MYO5B: variants seen among roughly 807,000 people sequenced by gnomAD.
The protein encoded by MYO5B is unconventional myosin-Vb.
MYO5B carries 143 observed loss-of-function variants against 229.3 expected under a neutral mutation model. That is an observed-to-expected ratio of 0.62 (90% CI 0.54 to 0.72). MYO5B has a LOEUF of 0.72. Among genes scored for constraint, MYO5B ranks in the 30% least tolerant of loss-of-function variants. The pLI is 0.00. For synonymous variants in MYO5B, 918 were observed against 885.2 expected, an observed-to-expected ratio of 1.04 and a Z score of -0.66; for missense variants, 2,321 against 2,331.0, an observed-to-expected ratio of 1.00 and a Z score of 0.09.
At chr18:50,085,045 A>G (rs2031301683) in intron 1 of MYO5B, among the ~76,000 whole-genome samples, 1 of 152,238 alleles carries the variant, frequency 6.6e-6, no homozygotes, top group South Asian at 2.1e-4. Context: ...AATGGCAACA[A>G]AAGCAAAAAC....
chr18:49,894,330 G>T lies in MYO5B; in HGVS notation c.3045+611C>A, dbSNP rs1168044313. Among the ~76,000 whole-genome samples, 10 of 150,930 alleles carry T rather than the reference G, an allele frequency of 6.6e-5. No individual in the cohort carries two copies. The South Asian group carries it at 1.0e-3, about 16-fold the overall frequency. ...CAGAACAGCAATGACCCAAGTCTGT[G>T]GGGGGGTCTCCAGGGGCCCTTGGGA... On this transcript the variant is annotated intron_variant, in intron 22 of 39. Coordinates refer to ENST00000285039, the MANE Select transcript of MYO5B (RefSeq NM_001080467.3).
rs768795754 is a variant in MYO5B at position 49,847,142 on chromosome 18, T to C, written c.4459+4A>G. The C allele has an allele frequency of 1.9e-6, 3 of 1,613,972 alleles. No homozygotes were observed. The highest frequency in any genetic ancestry group is 4.5e-5 in the East Asian group (2 of 44,876). Reference sequence around the variant, plus strand: ...CAGCATAGGGTGGCACAGAGGGTCCTTACCTGTCACCAGGTTCCGGATGAG... The same window carrying C: ...CAGCATAGGGTGGCACAGAGGGTCCCTACCTGTCACCAGGTTCCGGATGAG... On this transcript the variant is annotated splice_donor_region_variant and intron_variant, in intron 33 of 39. Coordinates refer to ENST00000285039, the MANE Select transcript of MYO5B (RefSeq NM_001080467.3).
rs115397943 is a variant in MYO5B at position 49,976,707 on chromosome 18, C to T, written c.1057-2092G>A. Among the ~76,000 whole-genome samples the T allele has an allele frequency of 6.1e-3, 930 of 152,234 alleles. 10 individuals carry two copies. The highest frequency in any genetic ancestry group is 0.022 in the African/African-American group (895 of 41,552). ...GCAGGACAATCAGCTTGGTTTGGGC[C>T]GGGTGGGTGTGGAGAAGCCCCCATC... On this transcript the variant is annotated intron_variant, in intron 9 of 39. Transcript: ENST00000285039.
chr18:50,148,168 A>G (rs1228415033), intron 1 of MYO5B, among the ~76,000 whole-genome samples: 2 of 151,382 alleles, frequency 1.3e-5, no homozygotes, highest in African/African-American at 2.4e-5. Context: ...CCAATAACAG[A>G]AGCTGAAATT....
intron 2 of MYO5B, among the ~76,000 whole-genome samples, chr18:50,047,533 G>A (rs1397376296): frequency 6.6e-6 from 1 of 152,168 alleles, no homozygotes; most frequent in Admixed American, 6.5e-5. Context: ...TCAGTGTGGC[G>A]ATTCCTCAGG....
In MYO5B at chr18:49,824,214, A is replaced by G. The variant is rs199748503; in HGVS notation, c.*2257T>C. The stretch of plus-strand genomic sequence containing the variant: ...TAGTTCCCCTAAAGATGCTTCTTCT[A>G]GCCTCCAAGTATTAAATAAGACAGA... On this transcript the variant is annotated 3_prime_UTR_variant, in exon 40 of 40. Coordinates refer to ENST00000285039, the MANE Select transcript of MYO5B (RefSeq NM_001080467.3). 13 of 152,414 alleles carry G rather than the reference A, an allele frequency of 8.5e-5. No homozygotes were observed. The East Asian group carries it at 1.7e-3, about 20-fold the overall frequency. The allele number at this position is 152,414 out of a possible 1,614,324, so 9.4% of individuals were successfully genotyped here.
rs1189974433 is a variant in MYO5B at position 50,037,233 on chromosome 18, ACACT to A, written c.311-243_311-240del. Among the ~76,000 whole-genome samples the A allele has an allele frequency of 1.5e-4, 19 of 127,052 alleles. No homozygotes were observed. In the East Asian group the frequency reaches 1.9e-3, roughly 13 times the overall value. The allele number at this position is 127,052 out of a possible 152,430, so 83.4% of individuals were successfully genotyped here. A position where few individuals can be genotyped will look rare whatever the true frequency, so the allele number is the denominator to read the frequency against. ...CACACACAAACACACACACACACAC[ACACT>A]CACTCACAAATGCTAAAAAAAAAAA... is the stretch of plus-strand genomic sequence containing the variant. On this transcript the variant is annotated intron_variant, in intron 3 of 39. Transcript: ENST00000285039.
At chr18:49,947,385 G>A (rs2025386656) in intron 14 of MYO5B, among the ~76,000 whole-genome samples, 3 of 152,136 alleles carry the variant, frequency 2.0e-5, no homozygotes, top group Admixed American at 1.3e-4. Context: ...GATTACAGGC[G>A]TGAGCCACCG....
At chr18:50,018,945 T>TA (rs2026245452) in intron 4 of MYO5B, among the ~76,000 whole-genome samples, 1 of 152,230 alleles carries the variant, frequency 6.6e-6, no homozygotes, top group South Asian at 2.1e-4. Context: ...ACTTTTCTCT[T>TA]ACCAGCTGGG....
intron 1 of MYO5B, among the ~76,000 whole-genome samples, chr18:50,061,183 A>C (rs1241175842): frequency 6.6e-6 from 1 of 152,240 alleles, no homozygotes; most frequent in Non-Finnish European, 1.5e-5. Context: ...CTCTAGAGTC[A>C]AACAGCTTCG....
At chr18:50,028,208 T>C (rs1273810727) in intron 4 of MYO5B, among the ~76,000 whole-genome samples, 1 of 152,212 alleles carries the variant, frequency 6.6e-6, no homozygotes, top group African/African-American at 2.4e-5. Flanking sequence ...CCATTAAAGC[T>C]GTGATTAAAA....
At chr18:49,972,685 G>C (rs2025704035) in intron 10 of MYO5B, among the ~76,000 whole-genome samples, 2 of 151,448 alleles carry the variant, frequency 1.3e-5, no homozygotes, top group Non-Finnish European at 2.9e-5. Flanking sequence ...AATACTCAAA[G>C]TAGAGAGATC....
chr18:50,049,463 A>C (rs2030332939), intron 2 of MYO5B, among the ~76,000 whole-genome samples: 4 of 152,198 alleles, frequency 2.6e-5, no homozygotes, highest in Non-Finnish European at 4.4e-5. Flanking sequence ...AATTTATTCC[A>C]CTGCTTACAC....
chr18:50,096,988 T>C (rs957798227), intron 1 of MYO5B, among the ~76,000 whole-genome samples: 3 of 152,194 alleles, frequency 2.0e-5, no homozygotes, highest in Non-Finnish European at 4.4e-5. Flanking sequence ...GTGCTTATGC[T>C]GGGCCTGGCT....
At chr18:50,193,714 G>T (rs997164060) in intron 1 of MYO5B, among the ~76,000 whole-genome samples, 1 of 152,234 alleles carries the variant, frequency 6.6e-6, no homozygotes, top group African/African-American at 2.4e-5. Context: ...CACCCAAGAA[G>T]ACGAACAGGA....
intron 16 of MYO5B, among the ~76,000 whole-genome samples, chr18:49,935,680 T>C (rs1410113719): frequency 6.6e-6 from 1 of 152,150 alleles, no homozygotes; most frequent in African/African-American, 2.4e-5. Context: ...TTCTACAGAT[T>C]AGGGTGAGGT....
intron 17 of MYO5B, among the ~76,000 whole-genome samples, chr18:49,920,385 G>A (rs1365415726): frequency 6.6e-6 from 1 of 152,148 alleles, no homozygotes; most frequent in Admixed American, 6.5e-5. Flanking sequence ...CAAGTTTTCA[G>A]CTCTGAAACT....
intron 1 of MYO5B, among the ~76,000 whole-genome samples, chr18:50,194,364 G>A (rs1483663028): frequency 6.6e-6 from 1 of 152,176 alleles, no homozygotes; most frequent in African/African-American, 2.4e-5. Flanking sequence ...GCGGGGACAG[G>A]GGACAGCAGC....
chr18:49,935,040 G>A (rs2025234156), intron 16 of MYO5B, among the ~76,000 whole-genome samples: 1 of 152,160 alleles, frequency 6.6e-6, no homozygotes, highest in Non-Finnish European at 1.5e-5. Context: ...AGAAGAGACT[G>A]CAGAGCTGAG....
Sources: allele counts gnomAD v4.1 joint callset (sites outside exome capture counted in the v4.1 genomes callset), GRCh38; gene constraint gnomAD v4.1.1; transcripts MANE v1.5; gene names NCBI Gene and HGNC (gene_info 2026-07-23, HGNC 2026-07-21).